Variants in C12orf50 observed in about 807,000 individuals in gnomAD.
C12orf50 encodes zinc finger CCCH-type containing 11D, also known as uncharacterized protein C12orf50.
Under a neutral mutation model 61.6 loss-of-function variants are expected in C12orf50, and 35 were observed. The observed-to-expected ratio is 0.57, with a 90% CI of 0.43 to 0.75. The LOEUF (loss-of-function observed/expected upper bound fraction) is 0.75, where lower values mean the gene tolerates loss of function less well. C12orf50 is among the 30% of genes least tolerant of loss of function. C12orf50 has a pLI of 0.00. For missense variants in C12orf50, 475 were observed against 488.5 expected, an observed-to-expected ratio of 0.97 and a Z score of 0.26; for synonymous variants, 178 against 161.5, an observed-to-expected ratio of 1.10 and a Z score of -0.77.
chr12:88,028,839 T>A (rs980213860), intron 1 of C12orf50, among the ~76,000 whole-genome samples: 13 of 152,130 alleles, frequency 8.5e-5, no homozygotes, highest in African/African-American at 2.9e-4. Context: ...CTGGTATATA[T>A]AAGGGTAGTT....
chr12:88,012,646 ATCT>A (rs1296804942), intron 3 of C12orf50, among the ~76,000 whole-genome samples: 2 of 152,184 alleles, frequency 1.3e-5, no homozygotes, highest in Non-Finnish European at 2.9e-5. Flanking sequence ...TAACTGACTG[ATCT>A]TCTTTGTACT....
At chr12:88,028,826 T>G (rs2032798586) in intron 1 of C12orf50, among the ~76,000 whole-genome samples, 1 of 152,144 alleles carries the variant, frequency 6.6e-6, no homozygotes, top group African/African-American at 2.4e-5. Context: ...TATAGACATA[T>G]AACTGGTATA....
intron 4 of C12orf50, among the ~76,000 whole-genome samples, chr12:87,997,298 T>C (rs549181076): frequency 3.9e-5 from 6 of 152,248 alleles, no homozygotes; most frequent in Admixed American, 3.9e-4. Context: ...TTAATACATA[T>C]GTAGATAAAC....
intron 3 of C12orf50, among the ~76,000 whole-genome samples, chr12:88,012,188 TGA>T (rs1385571642): frequency 6.6e-6 from 1 of 152,232 alleles, no homozygotes; most frequent in African/African-American, 2.4e-5. Flanking sequence ...GGAGTACTTA[TGA>T]GAGACTACTA....
chr12:87,998,115 T>C lies in C12orf50; in HGVS notation c.209A>G (p.Glu70Gly). The C allele has an allele frequency of 1.2e-6, 2 of 1,613,042 alleles. No individual in the cohort carries two copies. Among genetic ancestry groups the C allele is most frequent in the Non-Finnish European group, 1.7e-6 (2 of 1,179,352 alleles). The change falls in exon 4 of 13, where the codon GAA (glutamate) becomes GGA (glycine). Residue 70 changes from glutamate (E) to glycine (G), a missense_variant. Glu to Gly is a moderately conservative substitution (Grantham distance 98). Coordinates refer to ENST00000298699, the MANE Select transcript of C12orf50 (RefSeq NM_152589.3). ...SQSQEPLKPQENISRPIHHPL... is the reference protein window; with the variant it reads ...SQSQEPLKPQGNISRPIHHPL... ...ATGGTGGATGGGTCGTGATATATTT[T>C]CCTGAGGTTTCAGAGGTTCTTGACT... is the stretch of plus-strand genomic sequence containing the variant.
At chr12:88,012,164 G>A (rs558019788) in intron 3 of C12orf50, among the ~76,000 whole-genome samples, 43 of 152,256 alleles carry the variant, frequency 2.8e-4, no homozygotes, top group African/African-American at 1.0e-3. Flanking sequence ...CAAGGGAGTC[G>A]GAGTCTCTAC....
At chr12:88,008,411 C>T (rs1026690916) in intron 3 of C12orf50, among the ~76,000 whole-genome samples, 7 of 152,128 alleles carry the variant, frequency 4.6e-5, no homozygotes, top group Non-Finnish European at 1.0e-4. Flanking sequence ...TTTTTTATGG[C>T]TGCATGGTAT....
chr12:88,009,765 G>A (rs1467955753), intron 3 of C12orf50, among the ~76,000 whole-genome samples: 1 of 152,016 alleles, frequency 6.6e-6, no homozygotes, highest in Non-Finnish European at 1.5e-5. Context: ...TCTTTCCTTG[G>A]AGTCACATAA....
intron 3 of C12orf50, among the ~76,000 whole-genome samples, chr12:88,008,049 C>G (rs1216469708): frequency 1.3e-5 from 2 of 151,594 alleles, no homozygotes; most frequent in Non-Finnish European, 2.9e-5. Context: ...GAAAGTTAAA[C>G]AGCAATAGCT....
intron 12 of C12orf50, among the ~76,000 whole-genome samples, chr12:87,982,135 G>C (rs2030512849): frequency 1.3e-5 from 2 of 152,038 alleles, no homozygotes; most frequent in South Asian, 4.2e-4. Context: ...CCCATAGGAG[G>C]ATCATAGGAG....
At chr12:87,997,308 CAG>C (rs1326008598) in intron 4 of C12orf50, among the ~76,000 whole-genome samples, 3 of 152,104 alleles carry the variant, frequency 2.0e-5, no homozygotes, top group African/African-American at 7.2e-5. Flanking sequence ...TGTAGATAAA[CAG>C]ATACACTTGT....
At chr12:88,008,072 T>C (rs1454449251) in intron 3 of C12orf50, among the ~76,000 whole-genome samples, 2 of 149,308 alleles carry the variant, frequency 1.3e-5, no homozygotes, top group Non-Finnish European at 2.9e-5. Flanking sequence ...TTTTTTTATC[T>C]TTTCTTTTCA....
intron 3 of C12orf50, among the ~76,000 whole-genome samples, chr12:88,024,913 C>G (rs1455494493): frequency 1.3e-5 from 2 of 151,980 alleles, no homozygotes; most frequent in African/African-American, 4.8e-5. Flanking sequence ...GGAAATTGGC[C>G]ACTGGATTTA....
chr12:88,020,653 A>C (rs2032481251), intron 3 of C12orf50, among the ~76,000 whole-genome samples: 1 of 152,092 alleles, frequency 6.6e-6, no homozygotes. Context: ...CAAAGATATT[A>C]AGGACCTAAA....
At chr12:88,005,758 T>C (rs1174078229) in intron 3 of C12orf50, among the ~76,000 whole-genome samples, 1 of 150,006 alleles carries the variant, frequency 6.7e-6, no homozygotes, top group Non-Finnish European at 1.5e-5. Flanking sequence ...TCCATGTTTT[T>C]AAACACCAGG....
chr12:87,985,793 A>G (rs138231146), intron 11 of C12orf50, 57 bp downstream of exon 11: 1 of 1,575,044 alleles, frequency 6.3e-7, no homozygotes, highest in African/African-American at 1.4e-5. Context: ...CTGTCAAGAA[A>G]TTCCATGGGA....
chr12:88,005,671 G>A (rs888113523), intron 3 of C12orf50, among the ~76,000 whole-genome samples: 2 of 151,864 alleles, frequency 1.3e-5, no homozygotes, highest in East Asian at 1.9e-4. Context: ...ACGGAGTCTC[G>A]CTCTGTCGCC....
At chr12:87,982,627 C>T (rs754100117) in intron 12 of C12orf50, among the ~76,000 whole-genome samples, 2 of 152,076 alleles carry the variant, frequency 1.3e-5, no homozygotes, top group East Asian at 1.9e-4. Flanking sequence ...TCTCCCAGAG[C>T]GCAGAGTTCC....
At chr12:88,029,188 G>A in intron 1 of C12orf50, 152 bp downstream of exon 1, 2 of 931,544 alleles carry the variant, frequency 2.1e-6, no homozygotes, top group Admixed American at 5.3e-5. Flanking sequence ...TTTCAGGAAT[G>A]CAAATACAAG....
Sources: gnomAD v4.1 joint callset for allele counts (sites outside exome capture counted in the v4.1 genomes callset) on GRCh38, gnomAD v4.1.1 for gene constraint, MANE v1.5 for transcripts, NCBI Gene and HGNC (gene_info 2026-07-23, HGNC 2026-07-21) for gene names.